The following ABCC9 variants were observed in gnomAD, a reference collection of about 807,000 sequenced individuals.
ABCC9 encodes the protein ATP-binding cassette sub-family C member 9.
ABCC9 carries 95 observed loss-of-function variants against 188.3 expected under a neutral mutation model. That is an observed-to-expected ratio of 0.50 (90% confidence interval 0.43 to 0.60). The LOEUF is 0.60. ABCC9 is among the 20% of genes least tolerant of loss of function. The pLI is 0.00. For missense variants in ABCC9, 1,102 were observed against 1,876.3 expected (o/e 0.59, Z 7.62); for synonymous variants, 659 against 652.7 (o/e 1.01, Z -0.15).
At chr12:21,840,160 T>C (rs1003143673) in intron 29 of ABCC9, among the ~76,000 whole-genome samples, 3 of 152,198 alleles carry the variant, frequency 2.0e-5, no homozygotes, top group African/African-American at 7.2e-5. Flanking sequence ...ATTTGATCCA[T>C]GATTTTAAAT....
chr12:21,860,287 C>G (rs543766016), intron 21 of ABCC9, among the ~76,000 whole-genome samples: 1 of 152,134 alleles, frequency 6.6e-6, no homozygotes, highest in South Asian at 2.1e-4. Context: ...CAAAAAAGAA[C>G]AGCCATTAAG....
At position 21,837,806 on chromosome 12, in the gene ABCC9, C is replaced by T. The variant is rs1259619629; in HGVS notation, c.3566+272G>A. Among the ~76,000 whole-genome samples, 2 of 152,084 alleles carry T rather than the reference C, an allele frequency of 1.3e-5. 1 individual carries two copies. The highest frequency in any genetic ancestry group is 3.8e-4 in the East Asian group (2 of 5,196). On this transcript the variant is annotated intron_variant, in intron 30 of 39. Transcript: ENST00000261200. ...TTTCTCCATTTAATAGATGAGGAAACCAAGGTTAGAGAATTCAGATGCCTT... is the reference window on the plus strand; with the variant it reads ...TTTCTCCATTTAATAGATGAGGAAATCAAGGTTAGAGAATTCAGATGCCTT...
At chr12:21,892,463 G>A (rs1947206721) in intron 14 of ABCC9, among the ~76,000 whole-genome samples, 1 of 152,262 alleles carries the variant, frequency 6.6e-6, no homozygotes, top group Non-Finnish European at 1.5e-5. Flanking sequence ...GCAGACTCTG[G>A]CCATTTATCA....
chr12:21,889,331 C>T (rs934000912), intron 14 of ABCC9, among the ~76,000 whole-genome samples: 1 of 132,952 alleles, frequency 7.5e-6, no homozygotes, highest in African/African-American at 2.5e-5. Flanking sequence ...GTTATAAATG[C>T]GTTATGAAAC....
intron 31 of ABCC9, among the ~76,000 whole-genome samples, chr12:21,821,413 T>TTA (rs201339543): frequency 0.014 from 2,111 of 152,126 alleles, 24 homozygotes; most frequent in Non-Finnish European, 0.019. Flanking sequence ...TTCCAAATTA[T>TTA]TATATATATG....
chr12:21,915,960 A>G, intron 6 of ABCC9, 50 bp from the exon 7 acceptor site: 6 of 1,555,918 alleles, frequency 3.9e-6, no homozygotes, highest in Non-Finnish European at 5.2e-6. Context: ...ATTATTTTCC[A>G]CATATTAAAA....
At chr12:21,847,459 G>GT (rs146802020) in intron 25 of ABCC9, among the ~76,000 whole-genome samples, 3,809 of 151,842 alleles carry the variant, frequency 0.025, 145 homozygotes, top group African/African-American at 0.086. Context: ...CATTTTCTCT[G>GT]TTTTTTTTAA....
At chr12:21,929,266 A>G (rs1949178666) in intron 4 of ABCC9, among the ~76,000 whole-genome samples, 1 of 151,998 alleles carries the variant, frequency 6.6e-6, no homozygotes, top group South Asian at 2.1e-4. Context: ...AAAAATGCTA[A>G]TAAACCACAA....
intron 36 of ABCC9, among the ~76,000 whole-genome samples, chr12:21,811,138 T>A (rs1942208443): frequency 6.6e-6 from 1 of 152,108 alleles, no homozygotes; most frequent in Non-Finnish European, 1.5e-5. Context: ...AGAGTGAGTT[T>A]TTATGAGATT....
chr12:21,882,933 T>C, intron 15 of ABCC9, 60 bp from the exon 16 acceptor site: 7 of 1,356,748 alleles, frequency 5.2e-6, no homozygotes, highest in Non-Finnish European at 7.4e-6. Context: ...GAAGTTTTAC[T>C]GAACACTTAC....
intron 30 of ABCC9, among the ~76,000 whole-genome samples, chr12:21,834,235 A>C (rs1200681974): frequency 3.5e-4 from 53 of 152,156 alleles, no homozygotes; most frequent in Non-Finnish European, 4.4e-5. Context: ...TGATGCCACT[A>C]TCCTGATTTT....
intron 30 of ABCC9, among the ~76,000 whole-genome samples, chr12:21,837,147 T>C (rs971578965): frequency 6.6e-6 from 1 of 152,218 alleles, no homozygotes; most frequent in East Asian, 1.9e-4. Flanking sequence ...TGTTAGAATA[T>C]AAATTTCATG....
At position 21,814,646 on chromosome 12, in the gene ABCC9, T is replaced by C. The variant is rs1005447267; in HGVS notation, c.4100A>G (p.Asp1367Gly). The change falls in exon 35 of 40, where the codon GAT becomes GGT. Residue 1367 changes from aspartate to glycine, a missense_variant and splice_region_variant. Coordinates refer to ENST00000261200, the MANE Select transcript of ABCC9 (RefSeq NM_020297.4). ...AAAAAATTTAGTTAGCAACTCACCA[T>C]CAAATATATCAACCATTCTGAAGAA... ...LAFFRMVDIF[D>G]GKIVIDGIDI... 6.2e-7 allele frequency: 1 copy of C among 1,613,802 alleles called. No homozygotes were observed. Among genetic ancestry groups the C allele is most frequent in the Admixed American group, 1.7e-5 (1 of 59,966 alleles).
Position 21,830,915 on chromosome 12 carries a change from A to AG in ABCC9, c.3567-1856dup, listed in dbSNP as rs1943715560. On this transcript the variant is annotated intron_variant, in intron 30 of 39. Transcript: ENST00000261200. ...TGAATATAGAGAACAACTGAAGGGT[A>AG]GGGGGGATGTTCAAAGGGTTATAGG... Among the ~76,000 whole-genome samples the AG allele has an allele frequency of 2.6e-5, 4 of 152,268 alleles. No homozygotes were observed. The South Asian group carries it at 8.3e-4, about 32-fold the overall frequency.
intron 32 of ABCC9, among the ~76,000 whole-genome samples, chr12:21,817,709 G>A (rs1451306797): frequency 2.0e-5 from 3 of 152,104 alleles, no homozygotes; most frequent in Non-Finnish European, 2.9e-5. Flanking sequence ...CTTAAAAATT[G>A]GTTCACAATG....
rs553455038 is a variant in ABCC9 at position 21,935,942 on chromosome 12, A to C, written c.142+591T>G. Among the ~76,000 whole-genome samples, 11 of 152,266 alleles carry C rather than the reference A, an allele frequency of 7.2e-5. 1 individual carries two copies. The South Asian group carries it at 2.3e-3, about 32-fold the overall frequency. ...AATAATAGACAAAACTGTATTGTTA[A>C]CTTCTTCCCAAATTCTTTGTGAATG... is the stretch of plus-strand genomic sequence containing the variant. On this transcript the variant is annotated intron_variant, in intron 3 of 39. Transcript: ENST00000261200.
chr12:21,820,442 C>A (rs1942971169), intron 31 of ABCC9, among the ~76,000 whole-genome samples: 2 of 151,946 alleles, frequency 1.3e-5, no homozygotes, highest in Admixed American at 1.3e-4. Context: ...TTAACAGTGC[C>A]TTCCTATTAT....
At chr12:21,890,919 A>G (rs1381040475) in intron 14 of ABCC9, among the ~76,000 whole-genome samples, 2 of 152,100 alleles carry the variant, frequency 1.3e-5, no homozygotes, top group East Asian at 3.8e-4. Flanking sequence ...ATGTATACAT[A>G]TGTAACAAAC....
At chr12:21,911,768 C>T (rs1409099388) in intron 8 of ABCC9, among the ~76,000 whole-genome samples, 1 of 151,916 alleles carries the variant, frequency 6.6e-6, no homozygotes, top group African/African-American at 2.4e-5. Context: ...CTTAGCAAAA[C>T]GTGGTTAATA....
Sources: allele counts gnomAD v4.1 joint callset (sites outside exome capture counted in the v4.1 genomes callset), GRCh38; gene constraint gnomAD v4.1.1; transcripts MANE v1.5; gene names NCBI Gene and HGNC (gene_info 2026-07-23, HGNC 2026-07-21).